ACAN: variants seen among roughly 807,000 people sequenced by gnomAD.
ACAN encodes aggrecan, also known as aggrecan core protein.
A neutral mutation model predicts 169.1 loss-of-function variants in ACAN; 47 were observed. That is an observed-to-expected ratio of 0.28 (90% CI 0.22 to 0.35). The LOEUF is 0.35. Ranked by LOEUF, ACAN falls within the 10% of genes least tolerant of loss-of-function variation. The pLI is 1.00. For missense variants in ACAN, 2,716 were observed against 2,759.9 expected, an observed-to-expected ratio of 0.98 and a Z score of 0.36; for synonymous variants, 1,115 against 1,112.2, an observed-to-expected ratio of 1.00 and a Z score of -0.05.
At chr15:88,842,637 G>A (rs972691295) in intron 5 of ACAN, among the ~76,000 whole-genome samples, 3 of 152,168 alleles carry the variant, frequency 2.0e-5, no homozygotes, top group Non-Finnish European at 4.4e-5. Flanking sequence ...GCCCCCTGCC[G>A]CATTCCCACC....
At chr15:88,815,616 A>G (rs1001390249) in intron 1 of ACAN, among the ~76,000 whole-genome samples, 1 of 143,910 alleles carries the variant, frequency 6.9e-6, no homozygotes, top group Admixed American at 7.1e-5. Flanking sequence ...AAAAAAAACC[A>G]TCAAGAACAA....
chr15:88,845,787 T>C lies in ACAN; in HGVS notation c.1334T>C (p.Phe445Ser). 6.3e-7 allele frequency: 1 copy of C among 1,593,666 alleles called. No individual in the cohort carries two copies. The highest frequency in any genetic ancestry group is 8.6e-7 in the Non-Finnish European group (1 of 1,168,720). The change falls in exon 7 of 19, where the codon TTT becomes TCT. Residue 445 changes from phenylalanine (F) to serine (S), a missense_variant. Physicochemically the swap from Phe to Ser is radical, Grantham distance 155. This residue lies in a region of ACAN where 1,283 missense variants were observed against 1,281.5 expected (regional missense o/e 1.00). Transcript: ENST00000560601. Reference sequence around the variant, plus strand: ...GGAGAGGCCACCAGGCCCTGGGGCTTTCCCACACCTGGCCTGGGCCCTGCC... The same window carrying C: ...GGAGAGGCCACCAGGCCCTGGGGCTCTCCCACACCTGGCCTGGGCCCTGCC... ...ETGEATRPWG[F>S]PTPGLGPATA...
At chr15:88,863,449 G>A (rs1897236001) in intron 13 of ACAN, among the ~76,000 whole-genome samples, 1 of 152,144 alleles carries the variant, frequency 6.6e-6, no homozygotes, top group Non-Finnish European at 1.5e-5. Context: ...AGGAACTTCA[G>A]CATTGGTATT....
In ACAN at chr15:88,872,813, G is replaced by C; in HGVS notation, c.7303-68G>C. 1 of 1,545,414 alleles carries C rather than the reference G, an allele frequency of 6.5e-7. No homozygotes were observed. Among genetic ancestry groups the C allele is most frequent in the Non-Finnish European group, 8.8e-7 (1 of 1,131,676 alleles). On this transcript the variant is annotated intron_variant, in intron 16 of 18. Transcript: ENST00000560601. This position sits in a 1 kb window ranked among gnomAD's most constrained non-coding sequence, Gnocchi z 5.4. ...GATGATGAAGAGGCTCCACGGGGAA[G>C]ACAGTCGGAGCAGGCCAACCCGCAC...
intron 12 of ACAN, among the ~76,000 whole-genome samples, chr15:88,859,619 A>T (rs1897150970): frequency 6.6e-6 from 1 of 152,238 alleles, no homozygotes; most frequent in Non-Finnish European, 1.5e-5. Flanking sequence ...AGGGAAGATT[A>T]GGCAGAACAT....
At chr15:88,836,030 GA>G (rs1896493570) in intron 1 of ACAN, among the ~76,000 whole-genome samples, 169 bp from the exon 2 acceptor site, 1 of 152,212 alleles carries the variant, frequency 6.6e-6, no homozygotes, top group African/African-American at 2.4e-5. Flanking sequence ...TTTTGTGAGG[GA>G]AGGATTTTTT....
Position 88,861,931 on chromosome 15 carries a change from G to T in ACAN, c.6946+1492G>T, listed in dbSNP as rs577874197. On this transcript the variant is annotated intron_variant, in intron 13 of 18. Transcript: ENST00000560601. This position sits in a 1 kb window ranked among gnomAD's most constrained non-coding sequence, Gnocchi z 6.3. Reference sequence around the variant, plus strand: ...ATTTCCACAGGGCTTTTGTTCCCACGATTTCTCCCCAGATGGCTCTGTAAG... The same window carrying T: ...ATTTCCACAGGGCTTTTGTTCCCACTATTTCTCCCCAGATGGCTCTGTAAG... Among the ~76,000 whole-genome samples, 2 of 152,270 alleles carry T rather than the reference G, an allele frequency of 1.3e-5. No homozygotes were observed. The highest frequency in any genetic ancestry group is 2.1e-4 in the South Asian group (1 of 4,826).
rs1305328620 is a variant in ACAN at position 88,868,300 on chromosome 15, C to T, written c.7031C>T (p.Pro2344Leu). The T allele has an allele frequency of 1.4e-6, 1 of 702,676 alleles. No individual in the cohort carries two copies. Among genetic ancestry groups the T allele is most frequent in the African/African-American group, 1.7e-5 (1 of 57,240 alleles). 43.5% of individuals were successfully genotyped at this position (702,676 alleles called of 1,614,324 possible). Residue 2344 changes from proline (P) to leucine (L), a missense_variant, in exon 14 of 19, where the codon CCC (proline) becomes CTC (leucine). Pro to Leu is a moderately conservative substitution (Grantham distance 98). Around this residue, in one of 3 missense-constraint regions of ACAN, gnomAD observed 1,389 missense variants for 1,363.7 expected, o/e 1.02. Coordinates refer to ENST00000560601, the MANE Select transcript of ACAN (RefSeq NM_001369268.1). The surrounding 1 kb of genome is among the most constrained non-coding windows in gnomAD (Gnocchi z 5.2). ...GACTCTTTCACATGCTTATGCCTTC[C>T]CAGCTACGAAGGGGACCTGTGTGAG... ...AIDSFTCLCL[P>L]SYEGDLCEID... is the part of the protein sequence containing the mutation.
At chr15:88,863,649 A>C (rs553836566) in intron 13 of ACAN, among the ~76,000 whole-genome samples, 1 of 152,068 alleles carries the variant, frequency 6.6e-6, no homozygotes. Flanking sequence ...TTTCCTTCCT[A>C]TCTTACTGCT....
At chr15:88,844,368 T>TTTATTATTATTATTATTA (rs59329974) in intron 6 of ACAN, among the ~76,000 whole-genome samples, 1 of 149,802 alleles carries the variant, frequency 6.7e-6, no homozygotes, top group East Asian at 2.0e-4. Flanking sequence ...GTCATTTTAC[T>TTTATTATTATTATTATTA]TTATTATTAT....
chr15:88,873,814 C>A lies in ACAN; in HGVS notation c.7448-28C>A, dbSNP rs199945310. On this transcript the variant is annotated intron_variant, in intron 17 of 18. Coordinates refer to ENST00000560601, the MANE Select transcript of ACAN (RefSeq NM_001369268.1). The surrounding 1 kb of genome is among the most constrained non-coding windows in gnomAD (Gnocchi z 7.5). Reference sequence around the variant, plus strand: ...GGTCATCCCAGGAGACCCTATGAGACCCTTTATAAAGGGTGTTTGCCCCTC... The same window carrying A: ...GGTCATCCCAGGAGACCCTATGAGAACCTTTATAAAGGGTGTTTGCCCCTC... The A allele has an allele frequency of 6.2e-7, 1 of 1,609,876 alleles. No homozygotes were observed. Among genetic ancestry groups the A allele is most frequent in the Non-Finnish European group, 8.5e-7 (1 of 1,177,804 alleles).
chr15:88,857,816 A>G lies in ACAN; in HGVS notation c.5231A>G (p.Asp1744Gly), dbSNP rs1481791889. The change falls in exon 12 of 19, where the codon GAC (aspartate) becomes GGC (glycine). Residue 1744 changes from aspartate to glycine, a missense_variant. By Grantham distance (94) the Asp-to-Gly change is moderately conservative. Coordinates refer to ENST00000560601, the MANE Select transcript of ACAN (RefSeq NM_001369268.1). ...AGTGGACAGCCATCAGGGTTTCCTGACACTAGTGGGGAAACATCTGGAGTG... is the reference window on the plus strand; with the variant it reads ...AGTGGACAGCCATCAGGGTTTCCTGGCACTAGTGGGGAAACATCTGGAGTG... ...GVSGQPSGFP[D>G]TSGETSGVTE... The G allele has an allele frequency of 9.9e-6, 16 of 1,613,876 alleles. No homozygotes were observed. The highest frequency in any genetic ancestry group is 1.3e-5 in the African/African-American group (1 of 75,022).
Position 88,843,225 on chromosome 15 carries a change from C to A in ACAN, c.758-130C>A. ...TGAAGGGCAAGATCTGAGATGCAGA[C>A]ATATGGGACCAGGACTTTGGGAAGT... On this transcript the variant is annotated intron_variant, in intron 5 of 18. Coordinates refer to ENST00000560601, the MANE Select transcript of ACAN (RefSeq NM_001369268.1). This position sits in a 1 kb window ranked among gnomAD's most constrained non-coding sequence, Gnocchi z 4.0. The A allele has an allele frequency of 1.3e-6, 1 of 764,744 alleles. No homozygotes were observed. The highest frequency in any genetic ancestry group is 2.0e-6 in the Non-Finnish European group (1 of 501,012). 47.4% of individuals were successfully genotyped at this position (764,744 alleles called of 1,614,324 possible).
chr15:88,857,842 A>G lies in ACAN; in HGVS notation c.5257A>G (p.Thr1753Ala), dbSNP rs770225009. The change falls in exon 12 of 19, where the codon ACT (threonine) becomes GCT (alanine). Residue 1753 changes from threonine (T) to alanine (A), a missense_variant. This residue lies in a region of ACAN where 1,389 missense variants were observed against 1,363.7 expected (regional missense o/e 1.02). Transcript: ENST00000560601. Reference sequence around the variant, plus strand: ...CACTAGTGGGGAAACATCTGGAGTGACTGAGCTTAGCGGGCTGTCCTCTGG... The same window carrying G: ...CACTAGTGGGGAAACATCTGGAGTGGCTGAGCTTAGCGGGCTGTCCTCTGG... ...PDTSGETSGV[T>A]ELSGLSSGQP... The G allele has an allele frequency of 9.9e-6, 16 of 1,613,746 alleles. No individual in the cohort carries two copies. The highest frequency in any genetic ancestry group is 1.4e-5 in the Non-Finnish European group (16 of 1,179,818).
chr15:88,839,193 T>C lies in ACAN; in HGVS notation c.454+147T>C. ...TACTTAACTTCAGCTGCTTCCTCTGTGACATGGAGCTGGTAATATCATTCT... is the reference window on the plus strand; with the variant it reads ...TACTTAACTTCAGCTGCTTCCTCTGCGACATGGAGCTGGTAATATCATTCT... On this transcript the variant is annotated intron_variant, in intron 3 of 18. Coordinates refer to ENST00000560601, the MANE Select transcript of ACAN (RefSeq NM_001369268.1). This position sits in a 1 kb window ranked among gnomAD's most constrained non-coding sequence, Gnocchi z 4.5. 9.8e-7 allele frequency: 1 copy of C among 1,023,108 alleles called. No homozygotes were observed. The highest frequency in any genetic ancestry group is 1.4e-6 in the Non-Finnish European group (1 of 704,626). The allele number at this position is 1,023,108 out of a possible 1,614,324, so 63.4% of individuals were successfully genotyped here. A position where few individuals can be genotyped will look rare whatever the true frequency, so the allele number is the denominator to read the frequency against.
rs1025684103 is a variant in ACAN, at chr15:88,849,177, G to A, written c.1733-261G>A. On this transcript the variant is annotated intron_variant, in intron 9 of 18. Transcript: ENST00000560601. This position sits in a 1 kb window ranked among gnomAD's most constrained non-coding sequence, Gnocchi z 5.1. ...GTTGTTGTGGAAACAACTCAGCCCA[G>A]TTTTACGGGAATTTTGCCTTTTTTG... 6.6e-6 allele frequency among the ~76,000 whole-genome samples: 1 copy of A among 152,228 alleles called. No homozygotes were observed. The highest frequency in any genetic ancestry group is 2.4e-5 in the African/African-American group (1 of 41,448).
chr15:88,827,069 C>T (rs1327249732), intron 1 of ACAN, among the ~76,000 whole-genome samples: 1 of 152,156 alleles, frequency 6.6e-6, no homozygotes, highest in Non-Finnish European at 1.5e-5. Context: ...GAGTTCCTGA[C>T]ATACAGCAGG....
Position 88,874,244 on chromosome 15 carries a change from C to G in ACAN, c.7631-161C>G, listed in dbSNP as rs1897457200. 6.6e-6 allele frequency among the ~76,000 whole-genome samples: 1 copy of G among 152,168 alleles called. No homozygotes were observed. Among genetic ancestry groups the G allele is most frequent in the Non-Finnish European group, 1.5e-5 (1 of 68,026 alleles). On this transcript the variant is annotated intron_variant, in intron 18 of 18. Coordinates refer to ENST00000560601, the MANE Select transcript of ACAN (RefSeq NM_001369268.1). The surrounding 1 kb of genome is among the most constrained non-coding windows in gnomAD (Gnocchi z 7.3). ...CACTTGGAGGATGAAGGAGAAAAAG[C>G]CAGAAAGTCCAAGAAAAATCCAAAT...
In ACAN at chr15:88,858,748, G is replaced by C; in HGVS notation, c.6163G>C (p.Gly2055Arg). 6.2e-7 allele frequency: 1 copy of C among 1,613,928 alleles called. No individual in the cohort carries two copies. The highest frequency in any genetic ancestry group is 1.7e-5 in the Admixed American group (1 of 60,020). ...TGAACCAACTATTTCTCAGGAACTA[G>C]GCCAAAGGCCCCCTGTGACACACAC... ...VTEPTISQEL[G>R]QRPPVTHTPQ... Residue 2055 changes from glycine (G) to arginine (R), a missense_variant, in exon 12 of 19, where the codon GGC (glycine) becomes CGC (arginine). By Grantham distance (125) the Gly-to-Arg change is moderately radical (BLOSUM62 -2). Around this residue, in one of 3 missense-constraint regions of ACAN, gnomAD observed 1,389 missense variants for 1,363.7 expected, o/e 1.02. Coordinates refer to ENST00000560601, the MANE Select transcript of ACAN (RefSeq NM_001369268.1). This position sits in a 1 kb window ranked among gnomAD's most constrained non-coding sequence, Gnocchi z 4.0.
Sources: gnomAD v4.1 joint callset for allele counts (sites outside exome capture counted in the v4.1 genomes callset) on GRCh38, gnomAD v4.1.1 for gene constraint, gnomAD v4.1.1 regional missense constraint, Gnocchi (gnomAD v3.1) non-coding constraint, MANE v1.5 for transcripts, NCBI Gene and HGNC (gene_info 2026-07-23, HGNC 2026-07-21) for gene names.